The following BAZ2B variants were observed in gnomAD, a reference collection of about 807,000 sequenced individuals.
BAZ2B encodes the protein bromodomain adjacent to zinc finger domain 2B, also known as bromodomain adjacent to zinc finger domain protein 2B.
BAZ2B carries 91 observed loss-of-function variants against 246.0 expected under a neutral mutation model. The observed-to-expected ratio is 0.37, with a 90% CI of 0.31 to 0.44. The LOEUF (loss-of-function observed/expected upper bound fraction) is 0.44, where lower values mean the gene tolerates loss of function less well. Among genes scored for constraint, BAZ2B ranks in the 20% least tolerant of loss-of-function variants. The pLI is 1.00. For synonymous variants in BAZ2B, 855 were observed against 860.0 expected, an observed-to-expected ratio of 0.99 and a Z score of 0.10; for missense variants, 2,332 against 2,533.7, an observed-to-expected ratio of 0.92 and a Z score of 1.71.
intron 1 of BAZ2B, among the ~76,000 whole-genome samples, chr2:159,593,251 A>G (rs1436326725): frequency 6.6e-6 from 1 of 152,228 alleles, no homozygotes; most frequent in Non-Finnish European, 1.5e-5. Flanking sequence ...GTGATCATGC[A>G]AACTTTGACC....
intron 2 of BAZ2B, among the ~76,000 whole-genome samples, chr2:159,534,847 T>A (rs997574583): frequency 2.0e-5 from 3 of 152,292 alleles, no homozygotes; most frequent in African/African-American, 7.2e-5. Flanking sequence ...CTTCAGGCGA[T>A]CCACCTGCCT....
chr2:159,553,835 T>TAA (rs1244651991), intron 2 of BAZ2B, among the ~76,000 whole-genome samples: 1 of 152,222 alleles, frequency 6.6e-6, no homozygotes, highest in African/African-American at 2.4e-5. Context: ...TAGTTCTTAC[T>TAA]ATGTCATCTC....
intron 2 of BAZ2B, among the ~76,000 whole-genome samples, chr2:159,523,722 T>C (rs2084403599): frequency 6.6e-6 from 1 of 151,876 alleles, no homozygotes; most frequent in Non-Finnish European, 1.5e-5. Context: ...GAAACAGAAA[T>C]GCAGAAACTC....
the BAZ2B span, among the ~76,000 whole-genome samples, chr2:159,682,051 C>T: frequency 6.6e-6 from 1 of 152,074 alleles, no homozygotes; most frequent in Non-Finnish European, 1.5e-5. Flanking sequence ...AGAGGGCTGC[C>T]TTGAGAGGAG....
At chr2:159,708,499 C>T in the BAZ2B span, among the ~76,000 whole-genome samples, 3 of 152,056 alleles carry the variant, frequency 2.0e-5, no homozygotes, top group South Asian at 6.2e-4. Flanking sequence ...AGAGGTTTCT[C>T]AGACAGGGTT....
the BAZ2B span, among the ~76,000 whole-genome samples, chr2:159,703,244 C>T: frequency 9.3e-6 from 1 of 107,312 alleles, no homozygotes; most frequent in African/African-American, 2.7e-5. Context: ...CCTGCCACCA[C>T]ACCCAGCTAA....
At chr2:159,389,789 T>C (rs966837531) in intron 20 of BAZ2B, among the ~76,000 whole-genome samples, 10 of 152,172 alleles carry the variant, frequency 6.6e-5, no homozygotes, top group African/African-American at 2.4e-4. Flanking sequence ...TTAGCACAAA[T>C]TTTAGTGTGG....
At chr2:159,581,729 A>G (rs1344871545) in intron 1 of BAZ2B, among the ~76,000 whole-genome samples, 2 of 152,146 alleles carry the variant, frequency 1.3e-5, no homozygotes, top group Non-Finnish European at 2.9e-5. Flanking sequence ...ACACCATGGA[A>G]TACTATGCAG....
intron 1 of BAZ2B, among the ~76,000 whole-genome samples, chr2:159,596,933 A>C (rs990286239): frequency 6.6e-6 from 1 of 152,156 alleles, no homozygotes; most frequent in Admixed American, 6.5e-5. Flanking sequence ...TGCTGGATCA[A>C]ATGGTTGTTC....
chr2:159,679,279 A>AC, the BAZ2B span, among the ~76,000 whole-genome samples: 2 of 142,580 alleles, frequency 1.4e-5, no homozygotes, highest in East Asian at 2.0e-4. Context: ...CTCAAAAAAA[A>AC]AAAAAAAAAA....
At chr2:159,446,540 G>C (rs2074275728) in intron 6 of BAZ2B, among the ~76,000 whole-genome samples, 1 of 152,178 alleles carries the variant, frequency 6.6e-6, no homozygotes, top group Non-Finnish European at 1.5e-5. Context: ...ACAGGGAAGA[G>C]TTAAAAGTTA....
intron 3 of BAZ2B, chr2:159,462,959 A>G: frequency 9.5e-7 from 1 of 1,052,880 alleles, no homozygotes; most frequent in African/African-American, 1.6e-5. Context: ...TCTATAAGTG[A>G]TCAAATGTAA....
the BAZ2B span, among the ~76,000 whole-genome samples, chr2:159,622,842 C>T: frequency 2.0e-5 from 3 of 151,454 alleles, no homozygotes; most frequent in Non-Finnish European, 4.4e-5. Flanking sequence ...ACAAAAAATA[C>T]AAAAAGTAGT....
the BAZ2B span, among the ~76,000 whole-genome samples, chr2:159,669,864 G>A: frequency 3.3e-5 from 5 of 152,020 alleles, no homozygotes; most frequent in East Asian, 5.8e-4. Flanking sequence ...GTATTTAGAC[G>A]TTTAATATTT....
chr2:159,366,107 C>G (rs2060192069), intron 27 of BAZ2B, among the ~76,000 whole-genome samples: 1 of 152,182 alleles, frequency 6.6e-6, no homozygotes, highest in Non-Finnish European at 1.5e-5. Context: ...ATTAACTCTT[C>G]CCTTACTAGT....
At chr2:159,650,765 C>CT in the BAZ2B span, among the ~76,000 whole-genome samples, 1 of 152,156 alleles carries the variant, frequency 6.6e-6, no homozygotes, top group East Asian at 1.9e-4. Context: ...AGTCATGAGT[C>CT]TTTGAGTGCT....
At chr2:159,460,034 A>G (rs2076221194) in intron 3 of BAZ2B, 1 of 152,102 alleles carries the variant, frequency 6.6e-6, no homozygotes, top group African/African-American at 2.4e-5. Context: ...AACTGTATAC[A>G]TTTTACATAA....
At chr2:159,629,068 A>G in the BAZ2B span, among the ~76,000 whole-genome samples, 1 of 152,250 alleles carries the variant, frequency 6.6e-6, no homozygotes, top group Non-Finnish European at 1.5e-5. Flanking sequence ...CAAACATATG[A>G]AAAAAAGCTC....
At chr2:159,449,940 G>C (rs756319117) in intron 4 of BAZ2B, among the ~76,000 whole-genome samples, 2 of 152,148 alleles carry the variant, frequency 1.3e-5, no homozygotes, top group African/African-American at 2.4e-5. Context: ...GGAGGCTGAG[G>C]TGAAAGGTTC....
Sources: allele counts gnomAD v4.1 joint callset (sites outside exome capture counted in the v4.1 genomes callset), GRCh38; gene constraint gnomAD v4.1.1; transcripts MANE v1.5; gene names NCBI Gene and HGNC (gene_info 2026-07-23, HGNC 2026-07-21).